Variants in SEZ6L observed in about 807,000 individuals in gnomAD.
SEZ6L encodes the protein seizure 6-like protein.
In SEZ6L, 37 loss-of-function variants were observed where a neutral mutation model predicts 106.2. The observed-to-expected ratio is 0.35, with a 90% confidence interval of 0.27 to 0.46. The LOEUF is 0.46. SEZ6L is among the 20% of genes least tolerant of loss of function. The pLI, the probability that SEZ6L is intolerant of heterozygous loss-of-function variation, is 1.00. For synonymous variants in SEZ6L, 541 were observed against 570.4 expected, an observed-to-expected ratio of 0.95 and a Z score of 0.73; for missense variants, 1,172 against 1,332.8, an observed-to-expected ratio of 0.88 and a Z score of 1.88.
chr22:26,199,423 A>G (rs754048731), intron 1 of SEZ6L, among the ~76,000 whole-genome samples: 4 of 152,178 alleles, frequency 2.6e-5, no homozygotes, highest in Non-Finnish European at 5.9e-5. Context: ...GTATCTATTC[A>G]TCCGAGAGAA....
Position 26,369,345 on chromosome 22 carries a change from TG to T in SEZ6L, c.2794+3780del, listed in dbSNP as rs372248274. Among the ~76,000 whole-genome samples, 172 of 83,498 alleles carry T rather than the reference TG, an allele frequency of 2.1e-3. 51 individuals carry two copies. Among genetic ancestry groups the T allele is most frequent in the East Asian group, 3.3e-3 (2 of 598 alleles). The allele number at this position is 83,498 out of a possible 152,430, so 54.8% of individuals were successfully genotyped here. The stretch of plus-strand genomic sequence containing the variant: ...CAATGACTTATATAAGCAGTTCTTT[TG>T]TTTTTTTTTTTGAGACAGATTCTCG... On this transcript the variant is annotated intron_variant, in intron 13 of 16. Coordinates refer to ENST00000248933, the MANE Select transcript of SEZ6L (RefSeq NM_021115.5).
chr22:26,180,357 A>G (rs889833041), intron 1 of SEZ6L, among the ~76,000 whole-genome samples: 6 of 152,198 alleles, frequency 3.9e-5, no homozygotes, highest in Non-Finnish European at 7.4e-5. Flanking sequence ...CATTGTAACT[A>G]TCTGTTGACT....
chr22:26,275,687 C>T (rs997566495), intron 1 of SEZ6L, among the ~76,000 whole-genome samples: 2 of 152,138 alleles, frequency 1.3e-5, no homozygotes, highest in Non-Finnish European at 2.9e-5. Flanking sequence ...TAGGCCAGCA[C>T]CCCCACCTCC....
chr22:26,299,219 GA>G lies in SEZ6L; in HGVS notation c.1348+53del, dbSNP rs920433246. 4.6e-6 allele frequency: 6 copies of G among 1,312,606 alleles called. No individual in the cohort carries two copies. In the African/African-American group the frequency reaches 9.1e-5, roughly 20 times the overall value. The allele number at this position is 1,312,606 out of a possible 1,614,324, so 81.3% of individuals were successfully genotyped here. The stretch of plus-strand genomic sequence containing the variant: ...AAACCTGATGGTCCAACTAAGAGGG[GA>G]AAGACCAACCTGTAGGACACCGAGA... On this transcript the variant is annotated intron_variant, in intron 5 of 16. Transcript: ENST00000248933.
At chr22:26,185,082 C>T (rs1460892585) in intron 1 of SEZ6L, among the ~76,000 whole-genome samples, 1 of 152,106 alleles carries the variant, frequency 6.6e-6, no homozygotes, top group Non-Finnish European at 1.5e-5. Flanking sequence ...AGACTCTGTC[C>T]AAACAAAACA....
intron 5 of SEZ6L, among the ~76,000 whole-genome samples, chr22:26,304,925 C>T (rs181117352): frequency 6.6e-6 from 1 of 152,224 alleles, no homozygotes; most frequent in East Asian, 1.9e-4. Flanking sequence ...GTCATCATTG[C>T]GTGAACATCA....
intron 1 of SEZ6L, among the ~76,000 whole-genome samples, chr22:26,170,167 T>A (rs1013144583): frequency 6.7e-5 from 10 of 150,006 alleles, no homozygotes; most frequent in African/African-American, 2.5e-4. Context: ...GGAAGGGGGG[T>A]GAGAAGCTGA....
Position 26,369,362 on chromosome 22 carries a change from C to CGT in SEZ6L, c.2794+3796_2794+3797insGT. Among the ~76,000 whole-genome samples the CGT allele has an allele frequency of 5.3e-5, 2 of 37,440 alleles. 1 individual carries two copies. Among genetic ancestry groups the CGT allele is most frequent in the Non-Finnish European group, 9.1e-5 (2 of 21,872 alleles). 24.6% of individuals were successfully genotyped at this position (37,440 alleles called of 152,430 possible). On this transcript the variant is annotated intron_variant, in intron 13 of 16. Transcript: ENST00000248933. ...AGTTCTTTTGTTTTTTTTTTTGAGACAGATTCTCGCTCTGTCCCCCAGGCT... is the reference window on the plus strand; with the variant it reads ...AGTTCTTTTGTTTTTTTTTTTGAGACGTAGATTCTCGCTCTGTCCCCCAGGCT...
chr22:26,315,700 A>G (rs566097879), intron 9 of SEZ6L, among the ~76,000 whole-genome samples: 5 of 152,264 alleles, frequency 3.3e-5, no homozygotes, highest in Non-Finnish European at 7.4e-5. Context: ...TTGGAACATC[A>G]GTGCTTTGTG....
At chr22:26,171,618 G>A (rs1938612497) in intron 1 of SEZ6L, among the ~76,000 whole-genome samples, 1 of 152,148 alleles carries the variant, frequency 6.6e-6, no homozygotes, top group Admixed American at 6.5e-5. Context: ...GGGGAGACAT[G>A]TGTGTGTTTT....
intron 1 of SEZ6L, among the ~76,000 whole-genome samples, chr22:26,221,031 A>T (rs1395871548): frequency 1.3e-5 from 2 of 152,074 alleles, no homozygotes; most frequent in African/African-American, 4.8e-5. Context: ...GAAAGAAAAG[A>T]AAGAAGAGAG....
intron 1 of SEZ6L, among the ~76,000 whole-genome samples, chr22:26,284,625 A>AAAAAAAC (rs2085788466): frequency 7.6e-6 from 1 of 132,124 alleles, no homozygotes; most frequent in African/African-American, 3.1e-5. Context: ...AAAAAAAAAA[A>AAAAAAAC]AAAAAAACCC....
intron 11 of SEZ6L, among the ~76,000 whole-genome samples, chr22:26,348,689 A>G (rs1475625387): frequency 1.2e-5 from 1 of 81,330 alleles, no homozygotes; most frequent in African/African-American, 5.1e-5. Flanking sequence ...AAAGAAAGAA[A>G]GAAAGAAAGA....
intron 1 of SEZ6L, among the ~76,000 whole-genome samples, chr22:26,256,346 A>T (rs2079821417): frequency 6.6e-6 from 1 of 152,234 alleles, no homozygotes. Flanking sequence ...GGAAACCAAC[A>T]TATGAATGAA....
In SEZ6L at chr22:26,305,678, T is replaced by C. The variant is rs139566711; in HGVS notation, c.1349-301T>C. Among the ~76,000 whole-genome samples the C allele has an allele frequency of 1.9e-4, 29 of 152,340 alleles. No individual in the cohort carries two copies. In the East Asian group the frequency reaches 5.6e-3, roughly 29 times the overall value. On this transcript the variant is annotated intron_variant, in intron 5 of 16. Transcript: ENST00000248933. ...CACAGCCAGCACCACAGAACTGTCG[T>C]TAAATTGCAGTCATTCCCTACCATG...
chr22:26,221,543 C>A (rs888232688), intron 1 of SEZ6L, among the ~76,000 whole-genome samples: 1 of 152,166 alleles, frequency 6.6e-6, no homozygotes, highest in African/African-American at 2.4e-5. Flanking sequence ...GACTTACACC[C>A]TGAGAAAGTG....
intron 1 of SEZ6L, among the ~76,000 whole-genome samples, chr22:26,230,275 GA>G (rs547954712): frequency 8.6e-5 from 13 of 151,244 alleles, no homozygotes; most frequent in South Asian, 4.2e-4. Flanking sequence ...AACTGAGGGA[GA>G]AAAAAAGATA....
chr22:26,280,580 T>C (rs1022586522), intron 1 of SEZ6L, among the ~76,000 whole-genome samples: 23 of 152,156 alleles, frequency 1.5e-4, no homozygotes, highest in Admixed American at 1.3e-4. Context: ...AGCAGCCAAT[T>C]TGTCTATACA....
intron 5 of SEZ6L, among the ~76,000 whole-genome samples, chr22:26,305,473 C>T (rs2081601415): frequency 6.6e-6 from 1 of 152,162 alleles, no homozygotes; most frequent in African/African-American, 2.4e-5. Context: ...GATTTTATTG[C>T]TGCTTTTTAT....
Sources: gnomAD v4.1 joint callset for allele counts (sites outside exome capture counted in the v4.1 genomes callset) on GRCh38, gnomAD v4.1.1 for gene constraint, MANE v1.5 for transcripts, NCBI Gene and HGNC (gene_info 2026-07-23, HGNC 2026-07-21) for gene names.